Variants in DMD observed in about 807,000 individuals in gnomAD.
The protein encoded by DMD is dystrophin.
DMD carries 63 observed loss-of-function variants against 330.1 expected under a neutral mutation model. The ratio of observed to expected loss-of-function variants is 0.19; its 90% confidence interval spans 0.16 to 0.24. The LOEUF is 0.24. DMD is among the 10% of genes least tolerant of loss of function. DMD has a pLI of 1.00. For synonymous variants in DMD, 1,223 were observed against 959.8 expected (o/e 1.27, Z -5.07); for missense variants, 3,344 against 2,684.1 (o/e 1.25, Z -5.43).
chrX:31,636,134 C>G lies in DMD; in HGVS notation c.8028-8272G>C, dbSNP rs150522417. Among the ~76,000 whole-genome samples, 221 of 111,012 alleles carry G rather than the reference C, an allele frequency of 2.0e-3. 3 individuals are homozygous for G. Among genetic ancestry groups the G allele is most frequent in the African/African-American group, 6.7e-3 (205 of 30,566 alleles). On this transcript the variant is annotated intron_variant, in intron 54 of 78. Coordinates refer to ENST00000357033, the MANE Select transcript of DMD (RefSeq NM_004006.3). ...GCATGTTCTCACTTATTAGTGGGAG[C>G]TAAATGATGAGAACACATGGACACA... is the stretch of plus-strand genomic sequence containing the variant.
chrX:32,359,833 C>G (rs1029680149), intron 37 of DMD, among the ~76,000 whole-genome samples: 9 of 110,078 alleles, frequency 8.2e-5, no homozygotes, highest in Non-Finnish European at 1.3e-4. Context: ...TCTAGTAACT[C>G]TATTATTTTC....
At chrX:31,343,582 AGTGT>A (rs56312485) in intron 61 of DMD, among the ~76,000 whole-genome samples, 1,492 of 87,612 alleles carry the variant, frequency 0.017, 21 homozygotes, top group African/African-American at 0.056. Context: ...TCCAAAGGGG[AGTGT>A]GTGTGTGTGT....
rs762642936 is a variant in DMD at position 32,198,412 on chromosome X, A to G, written c.6438+18504T>C. 4.2e-3 allele frequency among the ~76,000 whole-genome samples: 463 copies of G among 111,446 alleles called. 3 individuals are homozygous for G. Among genetic ancestry groups the G allele is most frequent in the African/African-American group, 0.014 (439 of 30,752 alleles). ...GCTTCAATATTTTCAGAGTAAAGCA[A>G]CTCTTACTGTTTACTATTAATTTGG... On this transcript the variant is annotated intron_variant, in intron 44 of 78. Transcript: ENST00000357033.
chrX:32,202,421 G>C (rs1376004630), intron 44 of DMD, among the ~76,000 whole-genome samples: 1 of 111,477 alleles, frequency 9.0e-6, no homozygotes, highest in Non-Finnish European at 1.9e-5. Flanking sequence ...GCACGATCTT[G>C]GCTCACTGCG....
intron 34 of DMD, among the ~76,000 whole-genome samples, chrX:32,373,684 G>A (rs1039161006): frequency 9.0e-6 from 1 of 111,405 alleles, no homozygotes; most frequent in African/African-American, 3.3e-5. Flanking sequence ...GAATGGATTA[G>A]GCCTACCAAT....
At chrX:31,250,165 A>G (rs2049200713) in intron 63 of DMD, among the ~76,000 whole-genome samples, 1 of 111,790 alleles carries the variant, frequency 8.9e-6, no homozygotes, top group Admixed American at 9.5e-5. Context: ...AATGCACCCC[A>G]TAAAGAGTGC....
intron 59 of DMD, among the ~76,000 whole-genome samples, chrX:31,453,536 G>A (rs1228469879): frequency 9.1e-6 from 1 of 109,660 alleles, no homozygotes; most frequent in African/African-American, 3.3e-5. Context: ...TGGTGGTGAT[G>A]GCAGCAGAAC....
chrX:32,490,793 T>C (rs371128136), intron 20 of DMD, among the ~76,000 whole-genome samples: 2 of 112,099 alleles, frequency 1.8e-5, no homozygotes, highest in East Asian at 5.6e-4. Flanking sequence ...AATATCTTTT[T>C]GTAAAGAAAC....
chrX:32,727,393 C>A (rs970085606), intron 7 of DMD, among the ~76,000 whole-genome samples: 1 of 110,938 alleles, frequency 9.0e-6, no homozygotes, highest in Non-Finnish European at 1.9e-5. Flanking sequence ...GAGTTTATAA[C>A]AGAGCAGAAC....
chrX:32,113,547 A>C (rs1218842357), intron 44 of DMD, among the ~76,000 whole-genome samples: 1 of 111,349 alleles, frequency 9.0e-6, no homozygotes, highest in Non-Finnish European at 1.9e-5. Flanking sequence ...AGATGACATG[A>C]CTCTGATGAC....
At chrX:33,067,499 G>T (rs1354528194) in intron 1 of DMD, among the ~76,000 whole-genome samples, 1 of 111,863 alleles carries the variant, frequency 8.9e-6, no homozygotes, top group Non-Finnish European at 1.9e-5. Context: ...CATTTTTTTA[G>T]TGCAGTGTTT....
intron 7 of DMD, among the ~76,000 whole-genome samples, chrX:32,739,007 T>A (rs757183613): frequency 8.9e-6 from 1 of 111,882 alleles, no homozygotes; most frequent in Non-Finnish European, 1.9e-5. Flanking sequence ...GAGAATAACT[T>A]CAGGATGTTT....
At chrX:31,157,547 C>A (rs1004912579) in intron 74 of DMD, among the ~76,000 whole-genome samples, 1 of 111,458 alleles carries the variant, frequency 9.0e-6, no homozygotes, top group African/African-American at 3.3e-5. Context: ...CATTTTCAGA[C>A]AAATACAGCA....
At chrX:31,648,601 G>A (rs1232530061) in intron 54 of DMD, among the ~76,000 whole-genome samples, 3 of 67,413 alleles carry the variant, frequency 4.5e-5, no homozygotes, top group African/African-American at 6.7e-5. Context: ...TTTCCCTACG[G>A]GGTGAAAGGG....
chrX:32,164,153 C>T (rs770216431), intron 44 of DMD, among the ~76,000 whole-genome samples: 5 of 111,082 alleles, frequency 4.5e-5, no homozygotes, highest in Admixed American at 9.6e-5. Flanking sequence ...AAGCAGATCG[C>T]TTGAGCGCAG....
intron 30 of DMD, among the ~76,000 whole-genome samples, chrX:32,405,432 T>C (rs1204239629): frequency 2.7e-5 from 3 of 112,280 alleles, no homozygotes; most frequent in Non-Finnish European, 5.6e-5. Context: ...TTTTTAATCA[T>C]AGTACTTTGG....
intron 74 of DMD, among the ~76,000 whole-genome samples, chrX:31,167,927 C>G (rs1028890378): frequency 1.3e-4 from 14 of 111,677 alleles, no homozygotes; most frequent in African/African-American, 4.2e-4. Context: ...CTGGTAATAA[C>G]TGATAAAAAG....
chrX:31,176,887 C>T (rs745705781), intron 71 of DMD, among the ~76,000 whole-genome samples: 3 of 110,957 alleles, frequency 2.7e-5, no homozygotes, highest in Non-Finnish European at 5.7e-5. Flanking sequence ...TGAAAATAAA[C>T]CTCAATTAAT....
intron 11 of DMD, among the ~76,000 whole-genome samples, chrX:32,616,377 G>C (rs944662578): frequency 1.8e-5 from 2 of 110,963 alleles, no homozygotes; most frequent in Non-Finnish European, 1.9e-5. Flanking sequence ...TTGGAGATTT[G>C]TCTCTATTCC....
Sources: gnomAD v4.1 joint callset for allele counts (sites outside exome capture counted in the v4.1 genomes callset) on GRCh38, gnomAD v4.1.1 for gene constraint, MANE v1.5 for transcripts, NCBI Gene and HGNC (gene_info 2026-07-23, HGNC 2026-07-21) for gene names.